Variants in CTNND2 observed in about 807,000 individuals in gnomAD.
CTNND2 encodes catenin delta-2.
In CTNND2, 22 loss-of-function variants were observed where a neutral mutation model predicts 144.4. That is an observed-to-expected ratio of 0.15 (90% CI 0.11 to 0.22). The LOEUF (loss-of-function observed/expected upper bound fraction) is 0.22, where lower values mean the gene tolerates loss of function less well. Ranked by LOEUF, CTNND2 falls within the 10% of genes least tolerant of loss-of-function variation. The pLI is 1.00. For synonymous variants in CTNND2, 751 were observed against 695.6 expected (o/e 1.08, Z -1.25); for missense variants, 1,353 against 1,618.8 (o/e 0.84, Z 2.82).
At position 11,857,855 on chromosome 5, in the gene CTNND2, T is replaced by C. The variant is rs553885726; in HGVS notation, c.37+45962A>G. Among the ~76,000 whole-genome samples the C allele has an allele frequency of 5.9e-5, 9 of 152,318 alleles. No homozygotes were observed. The South Asian group carries it at 1.7e-3, about 28-fold the overall frequency. ...ATACATAACATGATATATTATGATT[T>C]CAACACGAACCTTCCAGCCAGGATC... On this transcript the variant is annotated intron_variant, in intron 1 of 21. Coordinates refer to ENST00000304623, the MANE Select transcript of CTNND2 (RefSeq NM_001332.4).
In CTNND2 at chr5:11,429,338, G is replaced by C. The variant is rs79650586; in HGVS notation, c.288-17269C>G. Among the ~76,000 whole-genome samples the C allele has an allele frequency of 8.2e-3, 1,241 of 152,238 alleles. 17 individuals are homozygous for C. The highest frequency in any genetic ancestry group is 0.029 in the African/African-American group (1,196 of 41,520). ...ATAAATGTTCCATGATGTGTTCCTA[G>C]TGGCTTCTAATTGGGGACAATTATA... On this transcript the variant is annotated intron_variant, in intron 3 of 21. Transcript: ENST00000304623.
chr5:11,027,657 G>A (rs1488760340), intron 16 of CTNND2, among the ~76,000 whole-genome samples: 2 of 152,032 alleles, frequency 1.3e-5, no homozygotes, highest in African/African-American at 4.8e-5. Context: ...TTTGTATTTG[G>A]TGAACCAGTT....
At chr5:11,167,165 G>A (rs7713461) in intron 11 of CTNND2, among the ~76,000 whole-genome samples, 42,092 of 152,040 alleles carry the variant, frequency 0.28, 5,932 homozygotes, top group East Asian at 0.31. Context: ...AGCCGGCAAT[G>A]GGAAGAAAGG....
At chr5:11,365,516 A>G (rs2149773099) in intron 7 of CTNND2, among the ~76,000 whole-genome samples, 1 of 152,340 alleles carries the variant, frequency 6.6e-6, no homozygotes, top group South Asian at 2.1e-4. Flanking sequence ...CTCTCTCTGA[A>G]AAAGTTAGGA....
intron 1 of CTNND2, among the ~76,000 whole-genome samples, chr5:11,836,934 C>T (rs538575327): frequency 9.9e-5 from 15 of 152,220 alleles, no homozygotes; most frequent in Admixed American, 7.2e-4. Context: ...AAGCTCCAAG[C>T]GGGGCCGCTC....
intron 1 of CTNND2, among the ~76,000 whole-genome samples, chr5:11,842,915 C>T (rs377746643): frequency 5.3e-5 from 8 of 152,074 alleles, no homozygotes; most frequent in African/African-American, 1.4e-4. Context: ...CTGGCAATGC[C>T]GCTTTAGAGA....
Position 11,313,962 on chromosome 5 carries a change from T to C in CTNND2, c.1628+32410A>G, listed in dbSNP as rs576245675. ...AGATCTCGTGAGAACTCACTCACTA[T>C]CACTAGAACAGCAAGGGGGAAATCC... On this transcript the variant is annotated intron_variant, in intron 9 of 21. Transcript: ENST00000304623. Among the ~76,000 whole-genome samples, 42 of 152,050 alleles carry C rather than the reference T, an allele frequency of 2.8e-4. 1 individual carries two copies. The highest frequency in any genetic ancestry group is 6.3e-4 in the South Asian group (3 of 4,798).
chr5:11,301,781 C>G (rs1313530500), intron 9 of CTNND2, among the ~76,000 whole-genome samples: 1 of 152,204 alleles, frequency 6.6e-6, no homozygotes, highest in Non-Finnish European at 1.5e-5. Context: ...ATCACAAGCA[C>G]AGAAATTCTG....
At chr5:11,502,066 G>A (rs1462514641) in intron 3 of CTNND2, among the ~76,000 whole-genome samples, 5 of 149,828 alleles carry the variant, frequency 3.3e-5, no homozygotes, top group East Asian at 2.0e-4. Flanking sequence ...AGGGGCAGGC[G>A]TGCTCTCTTT....
intron 3 of CTNND2, among the ~76,000 whole-genome samples, chr5:11,512,125 CG>C (rs1017663367): frequency 8.9e-4 from 136 of 152,292 alleles, no homozygotes; most frequent in African/African-American, 3.2e-3. Context: ...ATATGACCTA[CG>C]CAGTCTCATT....
chr5:11,268,033 G>A (rs1399382735), intron 9 of CTNND2, among the ~76,000 whole-genome samples: 1 of 152,170 alleles, frequency 6.6e-6, no homozygotes, highest in Non-Finnish European at 1.5e-5. Flanking sequence ...AAATCCAAAA[G>A]TGGCAATGGT....
intron 1 of CTNND2, among the ~76,000 whole-genome samples, chr5:11,775,110 G>A (rs1790179488): frequency 6.6e-6 from 1 of 152,074 alleles, no homozygotes; most frequent in Admixed American, 6.6e-5. Context: ...CTTTCAAAAG[G>A]CTGAGAAAAG....
intron 2 of CTNND2, among the ~76,000 whole-genome samples, chr5:11,626,132 C>A (rs769524448): frequency 6.6e-6 from 1 of 152,062 alleles, no homozygotes; most frequent in Non-Finnish European, 1.5e-5. Flanking sequence ...AACTCAAATG[C>A]CAGAACTCAT....
At chr5:10,997,862 G>A (rs905011201) in intron 18 of CTNND2, among the ~76,000 whole-genome samples, 1 of 152,114 alleles carries the variant, frequency 6.6e-6, no homozygotes, top group African/African-American at 2.4e-5. Context: ...TATTTATTAT[G>A]TTCTAAGACC....
chr5:11,791,112 G>T (rs1249834444), intron 1 of CTNND2, among the ~76,000 whole-genome samples: 1 of 152,160 alleles, frequency 6.6e-6, no homozygotes, highest in Admixed American at 6.5e-5. Context: ...GAATGCCTGG[G>T]GTTACCAGGA....
At chr5:11,163,094 C>A (rs1053575383) in intron 11 of CTNND2, among the ~76,000 whole-genome samples, 8 of 152,176 alleles carry the variant, frequency 5.3e-5, no homozygotes, top group African/African-American at 1.7e-4. Context: ...TGGACATTTC[C>A]TTCAAATGGT....
chr5:11,402,624 T>C (rs1581119812), intron 5 of CTNND2, among the ~76,000 whole-genome samples: 1 of 152,318 alleles, frequency 6.6e-6, no homozygotes, highest in South Asian at 2.1e-4. Flanking sequence ...GTTAGTAACT[T>C]ATAAAGCTCA....
chr5:11,594,756 T>C (rs1171738286), intron 2 of CTNND2, among the ~76,000 whole-genome samples: 1 of 152,170 alleles, frequency 6.6e-6, no homozygotes, highest in African/African-American at 2.4e-5. Context: ...TCTACTTATA[T>C]GGACAGAGGG....
Position 11,571,704 on chromosome 5 carries a change from T to C in CTNND2, c.175-6648A>G, listed in dbSNP as rs76591259. 4.6e-4 allele frequency among the ~76,000 whole-genome samples: 70 copies of C among 152,188 alleles called. 2 individuals are homozygous for C. In the East Asian group the frequency reaches 0.013, roughly 28 times the overall value. On this transcript the variant is annotated intron_variant, in intron 2 of 21. Transcript: ENST00000304623. ...CCTTCGAGAGATTTTCCTGTGTAAA[T>C]TGGTCTACGATTTAACTCACCCCCC...
Sources: allele counts gnomAD v4.1 joint callset (sites outside exome capture counted in the v4.1 genomes callset), GRCh38; gene constraint gnomAD v4.1.1; transcripts MANE v1.5; gene names NCBI Gene and HGNC (gene_info 2026-07-23, HGNC 2026-07-21).